Variants in TANC2 observed in about 807,000 individuals in gnomAD.
TANC2 encodes protein TANC2.
In TANC2, 26 loss-of-function variants were observed where a neutral mutation model predicts 210.5. The ratio of observed to expected loss-of-function variants is 0.12; its 90% CI spans 0.09 to 0.17. The LOEUF (loss-of-function observed/expected upper bound fraction) is 0.17, where lower values mean the gene tolerates loss of function less well. Ranked by LOEUF, TANC2 falls within the 10% of genes least tolerant of loss-of-function variation. The pLI is 1.00. For synonymous variants in TANC2, 931 were observed against 967.1 expected, an observed-to-expected ratio of 0.96 and a Z score of 0.69; for missense variants, 2,129 against 2,608.9, an observed-to-expected ratio of 0.82 and a Z score of 4.01.
intron 2 of TANC2, among the ~76,000 whole-genome samples, chr17:63,060,004 G>C (rs1197172320): frequency 6.6e-6 from 1 of 152,162 alleles, no homozygotes; most frequent in Non-Finnish European, 1.5e-5. Flanking sequence ...TGATTTATAA[G>C]ATTGTATTGA....
At chr17:63,367,025 T>C (rs2047129687) in intron 14 of TANC2, among the ~76,000 whole-genome samples, 1 of 152,258 alleles carries the variant, frequency 6.6e-6, no homozygotes. Flanking sequence ...CTATTCTTAA[T>C]ACTTGAGTCA....
rs771557573 is a variant in TANC2, at chr17:63,405,144, G to A, written c.3354G>A (p.Arg1118=). Reference sequence around the variant, plus strand: ...TAGCCCTAACAGCTGCAGCCGGAAGGGGCAAACTGGAGGTGTGCCGTTTGC... The same window carrying A: ...TAGCCCTAACAGCTGCAGCCGGAAGAGGCAAACTGGAGGTGTGCCGTTTGC... The change falls in exon 20 of 28, where the codon AGG becomes AGA. Residue 1118 remains arginine, a synonymous_variant. Transcript: ENST00000689528. 112 of 1,612,998 alleles carry A rather than the reference G, an allele frequency of 6.9e-5. No homozygotes were observed. Among genetic ancestry groups the A allele is most frequent in the Non-Finnish European group, 8.7e-5 (103 of 1,179,372 alleles).
chr17:63,107,015 C>G (rs2037852212), intron 4 of TANC2, among the ~76,000 whole-genome samples: 1 of 151,394 alleles, frequency 6.6e-6, no homozygotes, highest in African/African-American at 2.5e-5. Context: ...CCCAAATGAC[C>G]CTTAATGAAG....
At chr17:63,381,692 T>C (rs2047615035) in intron 15 of TANC2, among the ~76,000 whole-genome samples, 1 of 152,168 alleles carries the variant, frequency 6.6e-6, no homozygotes, top group Non-Finnish European at 1.5e-5. Flanking sequence ...AAGGTTAGTT[T>C]TTGCCATGAT....
intron 7 of TANC2, among the ~76,000 whole-genome samples, chr17:63,204,588 ACT>A (rs1231946074): frequency 4.0e-5 from 6 of 150,910 alleles, no homozygotes; most frequent in Non-Finnish European, 8.9e-5. Context: ...ACCTAGCGAC[ACT>A]CTGTTTCTAA....
intron 11 of TANC2, among the ~76,000 whole-genome samples, chr17:63,327,244 G>A (rs2045678917): frequency 6.6e-6 from 1 of 152,234 alleles, no homozygotes. Flanking sequence ...CAAGGATGTG[G>A]AGAAAAGGGC....
chr17:63,266,453 TATATA>T (rs2043529435), intron 8 of TANC2, among the ~76,000 whole-genome samples: 2 of 152,156 alleles, frequency 1.3e-5, no homozygotes, highest in Non-Finnish European at 2.9e-5. Context: ...ATAAACAACT[TATATA>T]TGAGGTTGGA....
intron 7 of TANC2, 64 bp downstream of exon 7, chr17:63,201,021 G>A: frequency 7.0e-7 from 1 of 1,425,504 alleles, no homozygotes; most frequent in Non-Finnish European, 9.4e-7. Flanking sequence ...AATTACACAA[G>A]CTTAAGGTTT....
At chr17:63,179,166 A>G (rs952319572) in intron 5 of TANC2, among the ~76,000 whole-genome samples, 13 of 152,210 alleles carry the variant, frequency 8.5e-5, no homozygotes, top group African/African-American at 3.1e-4. Context: ...CCGTGAGACT[A>G]TAAACTCCTC....
intron 15 of TANC2, among the ~76,000 whole-genome samples, chr17:63,387,782 A>G (rs2047831798): frequency 6.6e-6 from 1 of 152,212 alleles, no homozygotes; most frequent in Admixed American, 6.5e-5. Flanking sequence ...TGAAAAGGAC[A>G]AATATTAGTA....
chr17:63,273,362 T>C (rs1169928412), intron 9 of TANC2, among the ~76,000 whole-genome samples: 1 of 152,140 alleles, frequency 6.6e-6, no homozygotes, highest in African/African-American at 2.4e-5. Context: ...AAATTAAAAA[T>C]AATATGTTAA....
intron 5 of TANC2, among the ~76,000 whole-genome samples, chr17:63,179,184 A>G (rs1020297753): frequency 6.6e-6 from 1 of 152,194 alleles, no homozygotes; most frequent in Non-Finnish European, 1.5e-5. Context: ...CTCAAGAATA[A>G]GGGACTGTGC....
intron 7 of TANC2, among the ~76,000 whole-genome samples, chr17:63,230,085 C>T (rs973330839): frequency 5.3e-5 from 8 of 152,212 alleles, no homozygotes; most frequent in Admixed American, 2.6e-4. Context: ...TGTGAGCCAC[C>T]GTACCTGGCC....
chr17:63,403,822 T>G (rs183987444), intron 19 of TANC2, among the ~76,000 whole-genome samples: 28 of 152,360 alleles, frequency 1.8e-4, no homozygotes, highest in Non-Finnish European at 4.0e-4. Context: ...AAATGTTACT[T>G]GAAGGTTTAT....
intron 14 of TANC2, among the ~76,000 whole-genome samples, chr17:63,367,289 T>C (rs2047138895): frequency 6.6e-6 from 1 of 152,208 alleles, no homozygotes; most frequent in African/African-American, 2.4e-5. Context: ...GCCATTATAC[T>C]CTAAAGCAAG....
chr17:63,114,549 C>T (rs576009738), intron 4 of TANC2, among the ~76,000 whole-genome samples: 71 of 152,250 alleles, frequency 4.7e-4, no homozygotes, highest in African/African-American at 1.7e-3. Context: ...AGACACAACC[C>T]CGCGTAGAAA....
rs1295564361 is a variant in TANC2 at position 63,420,406 on chromosome 17, G to C, written c.4676G>C (p.Gly1559Ala). 7 of 1,613,854 alleles carry C rather than the reference G, an allele frequency of 4.3e-6. No homozygotes were observed. The highest frequency in any genetic ancestry group is 5.9e-6 in the Non-Finnish European group (7 of 1,179,876). The change falls in exon 28 of 28, where the codon GGC becomes GCC. Residue 1559 changes from glycine to alanine, a missense_variant. Physicochemically the swap from Gly to Ala is moderately conservative, Grantham distance 60 (BLOSUM62 0). Transcript: ENST00000689528. The surrounding 1 kb of genome is among the most constrained non-coding windows in gnomAD (Gnocchi z 4.2). ...GACTTCCGGTCCAGTAGTTCTGTAG[G>C]CTCTCCCACTAGACAGACCTATCAG...
chr17:63,330,977 G>T (rs1034115135), intron 11 of TANC2, among the ~76,000 whole-genome samples: 2 of 152,178 alleles, frequency 1.3e-5, no homozygotes, highest in African/African-American at 2.4e-5. Flanking sequence ...TTGGGAGGCT[G>T]AGGCAGGAGA....
chr17:63,262,181 A>G (rs2043379511), intron 8 of TANC2, among the ~76,000 whole-genome samples: 1 of 152,096 alleles, frequency 6.6e-6, no homozygotes, highest in Non-Finnish European at 1.5e-5. Flanking sequence ...TAGTTATGAA[A>G]CTGAGATTGA....
Sources: allele counts gnomAD v4.1 joint callset (sites outside exome capture counted in the v4.1 genomes callset), GRCh38; gene constraint gnomAD v4.1.1; non-coding constraint Gnocchi (gnomAD v3.1); transcripts MANE v1.5; gene names NCBI Gene and HGNC (gene_info 2026-07-23, HGNC 2026-07-21).